The following DOCK10 variants were observed in gnomAD, a reference collection of about 807,000 sequenced individuals.
DOCK10 encodes the protein dedicator of cytokinesis protein 10.
In DOCK10, 145 loss-of-function variants were observed where a neutral mutation model predicts 280.1. That is an observed-to-expected ratio of 0.52 (90% CI 0.45 to 0.59). The LOEUF is 0.59. Ranked by LOEUF, DOCK10 falls within the 20% of genes least tolerant of loss-of-function variation. The pLI is 0.00. For missense variants in DOCK10, 2,368 were observed against 2,651.7 expected, an observed-to-expected ratio of 0.89 and a Z score of 2.35; for synonymous variants, 915 against 942.2, an observed-to-expected ratio of 0.97 and a Z score of 0.53.
chr2:225,033,434 C>T (rs1393853320), intron 1 of DOCK10, among the ~76,000 whole-genome samples: 4 of 152,118 alleles, frequency 2.6e-5, no homozygotes, highest in South Asian at 2.1e-4. Flanking sequence ...CCTCCCATCT[C>T]GGTCTCCCAA....
At chr2:224,814,078 A>G (rs1693964791) in intron 31 of DOCK10, among the ~76,000 whole-genome samples, 1 of 152,256 alleles carries the variant, frequency 6.6e-6, no homozygotes, top group Non-Finnish European at 1.5e-5. Flanking sequence ...GAAATTTCAG[A>G]TGCTTTGGGA....
intron 31 of DOCK10, 82 bp downstream of exon 31, chr2:224,814,238 C>G: frequency 1.3e-6 from 1 of 758,992 alleles, no homozygotes; most frequent in Non-Finnish European, 1.9e-6. Flanking sequence ...TTTATTAGCA[C>G]CCAGAAACTG....
rs148311095 is a variant in DOCK10, at chr2:224,892,657, G to C, written c.416+3638C>G. On this transcript the variant is annotated intron_variant, in intron 4 of 55. Coordinates refer to ENST00000258390, the MANE Select transcript of DOCK10 (RefSeq NM_014689.3). ...AGTACAGGTTCTGAGGAGGGGCCAA[G>C]TGTGGAGCATCCAGGAAGGAAGGCT... 3.2e-4 allele frequency among the ~76,000 whole-genome samples: 49 copies of C among 152,308 alleles called. 2 individuals are homozygous for C. Among genetic ancestry groups the C allele is most frequent in the African/African-American group, 1.1e-3 (46 of 41,576 alleles).
chr2:224,956,867 G>A (rs1704072411), intron 1 of DOCK10, among the ~76,000 whole-genome samples: 1 of 152,120 alleles, frequency 6.6e-6, no homozygotes, highest in Non-Finnish European at 1.5e-5. Flanking sequence ...TCAGTCAGGT[G>A]GAATTAACTA....
Position 224,931,550 on chromosome 2 carries a change from G to T in DOCK10, c.242C>A (p.Ser81Ter). 2 of 1,606,456 alleles carry T rather than the reference G, an allele frequency of 1.2e-6. No homozygotes were observed. Among genetic ancestry groups the T allele is most frequent in the South Asian group, 1.1e-5 (1 of 89,428 alleles). ...DLLFFPSDDFSAATVSWDIRT... is the reference protein window; with the variant it reads ...DLLFFPSDDF ...ATGGCTTGAGAAGAGAAGACTTACT[G>T]AAAAGTCATCACTGGGGAAGAACAA... Residue 81 changes from serine to a stop codon, truncating the protein, a stop_gained and splice_region_variant, in exon 2 of 56, where the codon TCA (serine) becomes TAA (stop). Transcript: ENST00000258390. LOFTEE classifies it high-confidence loss of function.
chr2:224,974,811 ATATATATAATATATATATAT>A (rs1332430048), intron 1 of DOCK10, among the ~76,000 whole-genome samples: 3 of 128,770 alleles, frequency 2.3e-5, no homozygotes, highest in Admixed American at 8.9e-5. Context: ...CATATATATT[ATATATATAATATATATATAT>A]TATATATAAC....
chr2:224,930,478 A>C (rs1702291346), intron 2 of DOCK10, among the ~76,000 whole-genome samples: 1 of 152,106 alleles, frequency 6.6e-6, no homozygotes, highest in Non-Finnish European at 1.5e-5. Flanking sequence ...CTGTTTACAA[A>C]TCTGTCTCCT....
At position 224,792,977 on chromosome 2, in the gene DOCK10, C is replaced by G. The variant is rs1692303986; in HGVS notation, c.5308G>C (p.Gly1770Arg). 1 of 1,610,388 alleles carries G rather than the reference C, an allele frequency of 6.2e-7. No homozygotes were observed. Among genetic ancestry groups the G allele is most frequent in the Non-Finnish European group, 8.5e-7 (1 of 1,177,130 alleles). Residue 1770 changes from glycine (G) to arginine (R), a missense_variant, in exon 47 of 56, where the codon GGA becomes CGA. Transcript: ENST00000258390. ...AATGAGCAGTTAGGTCACTCACTTC[C>G]TCCACTGGGAGTTGTTAGTAATGAG... ...SNSLLTTPSG[G>R]SMFSMGWPAF...
chr2:224,920,947 G>A (rs1463904590), intron 2 of DOCK10, among the ~76,000 whole-genome samples: 1 of 150,634 alleles, frequency 6.6e-6, no homozygotes, highest in East Asian at 2.0e-4. Flanking sequence ...TACGATCACT[G>A]CTCTGTGACA....
chr2:224,895,839 G>A lies in DOCK10; in HGVS notation c.416+456C>T, dbSNP rs2396151. ...TGTGTGTGTGTGTGTGTGCGTGTGT[G>A]TGTATATATATATATATATATATGT... On this transcript the variant is annotated intron_variant, in intron 4 of 55. Transcript: ENST00000258390. 7.6e-3 allele frequency among the ~76,000 whole-genome samples: 879 copies of A among 116,170 alleles called. 5 individuals carry two copies. The highest frequency in any genetic ancestry group is 0.012 in the Middle Eastern group (3 of 254). The allele number at this position is 116,170 out of a possible 152,430, so 76.2% of individuals were successfully genotyped here.
At position 224,770,262 on chromosome 2, in the gene DOCK10, C is replaced by T. The variant is rs772172610; in HGVS notation, c.6393G>A (p.Arg2131=). The change falls in exon 55 of 56, where the codon AGG becomes AGA. Residue 2131 remains arginine, a synonymous_variant. Coordinates refer to ENST00000258390, the MANE Select transcript of DOCK10 (RefSeq NM_014689.3). The surrounding 1 kb of genome is among the most constrained non-coding windows in gnomAD (Gnocchi z 4.5). The part of the protein sequence containing the change: ...EDQLEYQEEL[R]SHYKDMLSEL... Reference sequence around the variant, plus strand: ...CGCTGAGCATGTCCTTGTAGTGGGACCTCAGTTCTTCCTGGTACTCCAGCT... The same window carrying T: ...CGCTGAGCATGTCCTTGTAGTGGGATCTCAGTTCTTCCTGGTACTCCAGCT... 3.1e-6 allele frequency: 5 copies of T among 1,604,716 alleles called. No individual in the cohort carries two copies. The highest frequency in any genetic ancestry group is 4.3e-6 in the Non-Finnish European group (5 of 1,175,664).
At chr2:224,894,678 T>G (rs1699882041) in intron 4 of DOCK10, among the ~76,000 whole-genome samples, 1 of 152,148 alleles carries the variant, frequency 6.6e-6, no homozygotes, top group Non-Finnish European at 1.5e-5. Context: ...GGGATTCAAG[T>G]CAAAAAGAAT....
At chr2:224,783,384 C>T (rs1574811921) in intron 50 of DOCK10, among the ~76,000 whole-genome samples, 1 of 151,782 alleles carries the variant, frequency 6.6e-6, no homozygotes, top group East Asian at 1.9e-4. Context: ...ACGCCATTCT[C>T]CTGCTTCAGC....
chr2:224,972,826 G>T (rs1705172005), intron 1 of DOCK10, among the ~76,000 whole-genome samples: 1 of 152,136 alleles, frequency 6.6e-6, no homozygotes, highest in African/African-American at 2.4e-5. Context: ...TTTAATAAAT[G>T]ATGAAAGGAA....
At chr2:224,825,412 G>T (rs1035257094) in intron 27 of DOCK10, among the ~76,000 whole-genome samples, 1 of 152,188 alleles carries the variant, frequency 6.6e-6, no homozygotes, top group Non-Finnish European at 1.5e-5. Flanking sequence ...GAACTTAACT[G>T]ATTTGATCAC....
chr2:224,874,448 AT>A, intron 9 of DOCK10, 99 bp from the exon 10 acceptor site: 1 of 989,526 alleles, frequency 1.0e-6, no homozygotes, highest in Non-Finnish European at 1.5e-6. Flanking sequence ...TATTATCACC[AT>A]TTTAGTATTA....
chr2:224,819,577 A>G, intron 28 of DOCK10, 48 bp from the exon 29 acceptor site: 1 of 1,214,320 alleles, frequency 8.2e-7, no homozygotes, highest in Non-Finnish European at 1.2e-6. Flanking sequence ...TTGAAGAATC[A>G]TTAAAGATTT....
In DOCK10 at chr2:224,770,359, C is replaced by T. The variant is rs1230697571; in HGVS notation, c.6306-10G>A. ...TGCATCTGCAAATTGCCTTTAGCGA[C>T]AGCATTAAACAAATTAAAAACCAGC... On this transcript the variant is annotated splice_polypyrimidine_tract_variant and intron_variant, in intron 54 of 55. Coordinates refer to ENST00000258390, the MANE Select transcript of DOCK10 (RefSeq NM_014689.3). The surrounding 1 kb of genome is among the most constrained non-coding windows in gnomAD (Gnocchi z 4.5). 1 of 1,581,564 alleles carries T rather than the reference C, an allele frequency of 6.3e-7. No individual in the cohort carries two copies. Among genetic ancestry groups the T allele is most frequent in the East Asian group, 2.3e-5 (1 of 44,386 alleles).
chr2:224,794,388 C>T lies in DOCK10; in HGVS notation c.5154+491G>A, dbSNP rs76050457. 7.1e-3 allele frequency among the ~76,000 whole-genome samples: 1,074 copies of T among 152,312 alleles called. 20 individuals carry two copies. The highest frequency in any genetic ancestry group is 0.025 in the African/African-American group (1,036 of 41,564). ...AAAAAGTTAAGTGTTGACTTATAATCCTCGTGCAGTGGACTCTCCTCACAT... is the reference window on the plus strand; with the variant it reads ...AAAAAGTTAAGTGTTGACTTATAATTCTCGTGCAGTGGACTCTCCTCACAT... On this transcript the variant is annotated intron_variant, in intron 45 of 55. Transcript: ENST00000258390.
Sources: gnomAD v4.1 joint callset for allele counts (sites outside exome capture counted in the v4.1 genomes callset) on GRCh38, gnomAD v4.1.1 for gene constraint, Gnocchi (gnomAD v3.1) non-coding constraint, MANE v1.5 for transcripts, NCBI Gene and HGNC (gene_info 2026-07-23, HGNC 2026-07-21) for gene names.